Variants in PTPRA observed in about 807,000 individuals in gnomAD.
PTPRA encodes the protein receptor-type tyrosine-protein phosphatase alpha.
Under a neutral mutation model 104.8 loss-of-function variants are expected in PTPRA, and 25 were observed. The ratio of observed to expected loss-of-function variants is 0.24; its 90% confidence interval spans 0.17 to 0.33. The LOEUF is 0.33. PTPRA is among the 10% of genes least tolerant of loss of function. PTPRA has a pLI of 1.00. For synonymous variants in PTPRA, 323 were observed against 368.9 expected, an observed-to-expected ratio of 0.88 and a Z score of 1.43; for missense variants, 765 against 1,015.3, an observed-to-expected ratio of 0.75 and a Z score of 3.35.
chr20:3,007,812 A>ATG (rs752955250), intron 11 of PTPRA, among the ~76,000 whole-genome samples: 34 of 126,146 alleles, frequency 2.7e-4, no homozygotes, highest in Admixed American at 4.1e-4. Flanking sequence ...GTATGTATAT[A>ATG]TGTGTGTGTG....
chr20:3,005,006 T>C (rs1284816412), intron 9 of PTPRA, 50 bp from the exon 10 acceptor site: 1 of 1,489,744 alleles, frequency 6.7e-7, no homozygotes, highest in East Asian at 2.3e-5. Context: ...GTTTGCATGT[T>C]TGATGTTTAT....
At chr20:2,885,102 G>A (rs1232081447) in intron 1 of PTPRA, among the ~76,000 whole-genome samples, 3 of 152,118 alleles carry the variant, frequency 2.0e-5, no homozygotes, top group African/African-American at 4.8e-5. Context: ...CGCCCGGTTT[G>A]AGGAACCACT....
intron 1 of PTPRA, among the ~76,000 whole-genome samples, chr20:2,885,919 C>T (rs1164150910): frequency 1.3e-5 from 2 of 152,148 alleles, no homozygotes; most frequent in Non-Finnish European, 2.9e-5. Flanking sequence ...CAAAAATTAG[C>T]TGGGCGTGGT....
intron 1 of PTPRA, among the ~76,000 whole-genome samples, chr20:2,905,539 G>A (rs995682763): frequency 1.4e-4 from 22 of 152,012 alleles, no homozygotes; most frequent in Non-Finnish European, 2.9e-4. Context: ...AAATATGACT[G>A]CAAAAAGTAG....
At chr20:3,025,024 T>A (rs1027931913) in intron 17 of PTPRA, among the ~76,000 whole-genome samples, 1 of 151,804 alleles carries the variant, frequency 6.6e-6, no homozygotes, top group African/African-American at 2.4e-5. Flanking sequence ...TGTGGCTGTT[T>A]TATAAAACTT....
At chr20:2,875,532 A>G (rs497518) in intron 1 of PTPRA, among the ~76,000 whole-genome samples, 23 of 152,002 alleles carry the variant, frequency 1.5e-4, no homozygotes, top group African/African-American at 5.6e-4. Context: ...TTGGGATACA[A>G]AAGTGAGGAA....
At chr20:2,972,956 A>G (rs1264765772) in intron 5 of PTPRA, among the ~76,000 whole-genome samples, 1 of 152,002 alleles carries the variant, frequency 6.6e-6, no homozygotes, top group African/African-American at 2.4e-5. Context: ...CTGGGCTCAC[A>G]TGATTCTCCT....
At chr20:3,006,662 C>T (rs760128164) in intron 10 of PTPRA, among the ~76,000 whole-genome samples, 1 of 152,180 alleles carries the variant, frequency 6.6e-6, no homozygotes, top group Non-Finnish European at 1.5e-5. Flanking sequence ...CTTTCTCGCT[C>T]TGTCACCCAG....
intron 2 of PTPRA, among the ~76,000 whole-genome samples, chr20:2,946,571 C>T (rs1006059321): frequency 5.3e-5 from 8 of 151,962 alleles, no homozygotes; most frequent in African/African-American, 1.2e-4. Context: ...AAGAGTAGGC[C>T]GGGCATGGTG....
chr20:2,944,016 A>T (rs1255907191), intron 2 of PTPRA, among the ~76,000 whole-genome samples: 2 of 150,366 alleles, frequency 1.3e-5, no homozygotes, highest in East Asian at 3.9e-4. Context: ...AATGCTGGGT[A>T]GCTGTTTGGT....
chr20:2,934,764 C>G (rs1255225237), intron 2 of PTPRA, among the ~76,000 whole-genome samples: 1 of 150,964 alleles, frequency 6.6e-6, no homozygotes, highest in African/African-American at 2.4e-5. Flanking sequence ...CTCTGACTCC[C>G]TGATTCGAGC....
intron 9 of PTPRA, among the ~76,000 whole-genome samples, chr20:3,000,596 G>A (rs2063584014): frequency 6.6e-6 from 1 of 152,184 alleles, no homozygotes; most frequent in Non-Finnish European, 1.5e-5. Flanking sequence ...ATACAAAAAT[G>A]TGTCTCAAAG....
At chr20:2,916,578 C>T (rs897955687) in intron 1 of PTPRA, among the ~76,000 whole-genome samples, 1 of 152,080 alleles carries the variant, frequency 6.6e-6, no homozygotes, top group Non-Finnish European at 1.5e-5. Context: ...CACCAGCCAG[C>T]CATGGTGGTG....
Position 3,024,544 on chromosome 20 carries a change from T to G in PTPRA, c.1537T>G (p.Ser513Ala), listed in dbSNP as rs2065039704. ...LYGDTELEVTSLETHLQKIYN... is the reference protein window; with the variant it reads ...LYGDTELEVTALETHLQKIYN... ...TGGAGATACAGAACTGGAAGTGACC[T>G]CTCTAGAAACCCACCTGCAGAAAAT... The change falls in exon 17 of 24, where the codon TCT (serine) becomes GCT (alanine). Residue 513 changes from serine (S) to alanine (A), a missense_variant. This residue lies in a region of PTPRA where 192 missense variants were observed against 227.0 expected (regional missense o/e 0.85). Transcript: ENST00000399903. The G allele has an allele frequency of 6.2e-7, 1 of 1,613,936 alleles. No individual in the cohort carries two copies. Among genetic ancestry groups the G allele is most frequent in the Non-Finnish European group, 8.5e-7 (1 of 1,179,870 alleles).
rs1237150725 is a variant in PTPRA, at chr20:2,990,100, G to T, written c.738+1626G>T. Among the ~76,000 whole-genome samples the T allele has an allele frequency of 2.0e-5, 3 of 152,214 alleles. No individual in the cohort carries two copies. In the East Asian group the frequency reaches 5.8e-4, roughly 29 times the overall value. ...AATAGTTGCGGGAATACAGTTAGGG[G>T]TTACAGGTGTTAATATCAGAAGTGC... On this transcript the variant is annotated intron_variant, in intron 9 of 23. Coordinates refer to ENST00000399903, the MANE Select transcript of PTPRA (RefSeq NM_001385305.1).
At chr20:3,036,317 G>A (rs901245592) in intron 22 of PTPRA, among the ~76,000 whole-genome samples, 5 of 152,180 alleles carry the variant, frequency 3.3e-5, no homozygotes, top group African/African-American at 1.2e-4. Flanking sequence ...TTGTTTGAGG[G>A]GAAAAGTTGA....
chr20:3,020,249 C>G (rs2064792764), intron 13 of PTPRA, among the ~76,000 whole-genome samples: 1 of 152,146 alleles, frequency 6.6e-6, no homozygotes, highest in Admixed American at 6.5e-5. Context: ...CCACCCGCCA[C>G]CACGCCCAGC....
intron 6 of PTPRA, among the ~76,000 whole-genome samples, chr20:2,980,482 G>C (rs1482276073): frequency 6.6e-6 from 1 of 151,960 alleles, no homozygotes; most frequent in East Asian, 2.0e-4. Context: ...CGAACCAGGA[G>C]GCCGTTGCAG....
chr20:2,905,932 C>T (rs544045883), intron 1 of PTPRA, among the ~76,000 whole-genome samples: 7 of 151,942 alleles, frequency 4.6e-5, no homozygotes, highest in South Asian at 2.1e-4. Context: ...GTGATCCACC[C>T]GCCTCGGCCT....
Sources: gnomAD v4.1 joint callset for allele counts (sites outside exome capture counted in the v4.1 genomes callset) on GRCh38, gnomAD v4.1.1 for gene constraint, gnomAD v4.1.1 regional missense constraint, MANE v1.5 for transcripts, NCBI Gene and HGNC (gene_info 2026-07-23, HGNC 2026-07-21) for gene names.